The following ARHGAP17 variants were observed in gnomAD, a reference collection of about 807,000 sequenced individuals.
ARHGAP17 encodes the protein rho GTPase-activating protein 17.
A neutral mutation model predicts 99.5 loss-of-function variants in ARHGAP17; 57 were observed. The observed-to-expected ratio is 0.57, with a 90% CI of 0.46 to 0.71. The LOEUF (loss-of-function observed/expected upper bound fraction) is 0.71. Among genes scored for constraint, ARHGAP17 ranks in the 30% least tolerant of loss-of-function variants. ARHGAP17 has a pLI of 0.00. For synonymous variants in ARHGAP17, 417 were observed against 429.6 expected (o/e 0.97, Z 0.36); for missense variants, 1,000 against 1,122.4 (o/e 0.89, Z 1.56).
rs752301678 is a variant in ARHGAP17, at chr16:24,931,282, G to A, written c.2017C>T (p.Arg673Ter). 2.6e-6 allele frequency: 4 copies of A among 1,530,838 alleles called. No homozygotes were observed. Among genetic ancestry groups the A allele is most frequent in the Non-Finnish European group, 2.6e-6 (3 of 1,139,390 alleles). The allele number at this position is 1,530,838 out of a possible 1,614,324, so 94.8% of individuals were successfully genotyped here. ...TGCTGGGTGGGAGGAGAGGGGCTTC[G>A]GGTGGGTGGCTTTGGTGACAGACTG... ...PPSLSPKPPT[R>*]SPSPPTQHTG... The change falls in exon 19 of 20, where the codon CGA (arginine) becomes TGA (stop). Residue 673 changes from arginine (R) to a stop codon, truncating the protein, a stop_gained. Transcript: ENST00000289968. LOFTEE classifies it high-confidence loss of function.
chr16:24,953,540 G>A (rs1276900829), intron 10 of ARHGAP17, among the ~76,000 whole-genome samples: 1 of 151,924 alleles, frequency 6.6e-6, no homozygotes, highest in African/African-American at 2.4e-5. Context: ...CCCTTTGTGC[G>A]CATGCTCGCT....
At chr16:24,999,322 A>T (rs999894813) in intron 1 of ARHGAP17, among the ~76,000 whole-genome samples, 2 of 152,162 alleles carry the variant, frequency 1.3e-5, no homozygotes, top group African/African-American at 2.4e-5. Context: ...TTTTCCAATT[A>T]GTCATCGTTT....
intron 1 of ARHGAP17, among the ~76,000 whole-genome samples, chr16:24,991,835 G>C (rs923890197): frequency 6.6e-6 from 1 of 152,110 alleles, no homozygotes; most frequent in Non-Finnish European, 1.5e-5. Flanking sequence ...TCATTCAGAC[G>C]GTATTTACGG....
intron 3 of ARHGAP17, among the ~76,000 whole-genome samples, chr16:24,971,255 G>C (rs1414627130): frequency 6.6e-6 from 1 of 151,916 alleles, no homozygotes; most frequent in African/African-American, 2.4e-5. Context: ...CTCTCTAAAT[G>C]GTTATCCTGA....
chr16:24,959,908 T>C lies in ARHGAP17; in HGVS notation c.642+3A>G. 2.5e-6 allele frequency: 4 copies of C among 1,613,942 alleles called. No homozygotes were observed. Among genetic ancestry groups the C allele is most frequent in the Non-Finnish European group, 3.4e-6 (4 of 1,179,866 alleles). ...TAACATTTTCTCAAGGGAAGGTGCTTACCGTAACAAAGAATTTGCCATACT... is the reference window on the plus strand; with the variant it reads ...TAACATTTTCTCAAGGGAAGGTGCTCACCGTAACAAAGAATTTGCCATACT... On this transcript the variant is annotated splice_donor_region_variant and intron_variant, in intron 8 of 19. Coordinates refer to ENST00000289968, the MANE Select transcript of ARHGAP17 (RefSeq NM_001006634.3).
intron 1 of ARHGAP17, among the ~76,000 whole-genome samples, chr16:24,983,869 T>C (rs943982727): frequency 4.6e-5 from 7 of 152,220 alleles, no homozygotes; most frequent in Admixed American, 2.0e-4. Context: ...TTTAATTTAC[T>C]TTTTGGTAAA....
intron 1 of ARHGAP17, among the ~76,000 whole-genome samples, chr16:24,999,149 T>C (rs993028402): frequency 3.3e-5 from 5 of 152,236 alleles, no homozygotes; most frequent in African/African-American, 1.2e-4. Flanking sequence ...ATTTCTTCAA[T>C]GACTTCGAAT....
At chr16:24,996,176 C>T (rs555794614) in intron 1 of ARHGAP17, among the ~76,000 whole-genome samples, 52 of 152,206 alleles carry the variant, frequency 3.4e-4, no homozygotes, top group Admixed American at 8.5e-4. Context: ...TCTCCCATAA[C>T]GTCTTAAATC....
At chr16:24,998,329 G>A (rs745832515) in intron 1 of ARHGAP17, among the ~76,000 whole-genome samples, 31 of 151,962 alleles carry the variant, frequency 2.0e-4, no homozygotes, top group Non-Finnish European at 3.8e-4. Flanking sequence ...GATGGAGGGA[G>A]GTGAAAGGTG....
At chr16:24,991,310 C>T (rs548968452) in intron 1 of ARHGAP17, among the ~76,000 whole-genome samples, 5 of 152,152 alleles carry the variant, frequency 3.3e-5, no homozygotes, top group Admixed American at 1.3e-4. Context: ...TAACGTGTTT[C>T]GTGGCACCTA....
At chr16:24,920,342 A>G in intron 19 of ARHGAP17, 82 bp from the exon 20 acceptor site, 1 of 1,555,310 alleles carries the variant, frequency 6.4e-7, no homozygotes, top group Non-Finnish European at 8.7e-7. Context: ...AGAAGAAGAG[A>G]GGCTGGGAAG....
At position 24,919,749 on chromosome 16, in the gene ARHGAP17, T is replaced by C. The variant is rs765068205; in HGVS notation, c.*381A>G. 1.1e-4 allele frequency: 17 copies of C among 158,814 alleles called. No individual in the cohort carries two copies. The highest frequency in any genetic ancestry group is 6.9e-4 in the Admixed American group (11 of 15,836). The allele number at this position is 158,814 out of a possible 1,614,324, so 9.8% of individuals were successfully genotyped here. A position where few individuals can be genotyped will look rare whatever the true frequency, so the allele number is the denominator to read the frequency against. The stretch of plus-strand genomic sequence containing the variant: ...TGCATAATGAGCGCATTTTATTAAA[T>C]AGATAGTTAACGCACTGCTTCTTAC... On this transcript the variant is annotated 3_prime_UTR_variant, in exon 20 of 20. Transcript: ENST00000289968.
chr16:25,015,201 G>T lies in ARHGAP17; in HGVS notation c.53+8C>A. 1 of 1,319,604 alleles carries T rather than the reference G, an allele frequency of 7.6e-7. No individual in the cohort carries two copies. The highest frequency in any genetic ancestry group is 2.1e-5 in the South Asian group (1 of 47,222). The allele number at this position is 1,319,604 out of a possible 1,614,324, so 81.7% of individuals were successfully genotyped here. A position where few individuals can be genotyped will look rare whatever the true frequency, so the allele number is the denominator to read the frequency against. ...CGGTGCGACCCCCGTGCTGCCCGGCGCACTCGCCTGCCCACGGTCTGGTTA... is the reference window on the plus strand; with the variant it reads ...CGGTGCGACCCCCGTGCTGCCCGGCTCACTCGCCTGCCCACGGTCTGGTTA... On this transcript the variant is annotated splice_region_variant and intron_variant, in intron 1 of 19. Coordinates refer to ENST00000289968, the MANE Select transcript of ARHGAP17 (RefSeq NM_001006634.3).
At chr16:24,966,007 A>T (rs2141295970) in intron 6 of ARHGAP17, among the ~76,000 whole-genome samples, 1 of 152,390 alleles carries the variant, frequency 6.6e-6, no homozygotes, top group Non-Finnish European at 1.5e-5. Context: ...ATCAAGAATC[A>T]GTATTAAAAT....
chr16:24,957,027 G>T (rs2051828778), intron 9 of ARHGAP17: 1 of 152,252 alleles, frequency 6.6e-6, no homozygotes, highest in South Asian at 2.1e-4. Flanking sequence ...TTGTGAGTCT[G>T]GGAATTTACA....
intron 1 of ARHGAP17, among the ~76,000 whole-genome samples, chr16:25,007,199 G>A (rs1234536169): frequency 6.6e-6 from 1 of 152,124 alleles, no homozygotes; most frequent in African/African-American, 2.4e-5. Flanking sequence ...CTAATGGCTA[G>A]AAAATAAGGC....
chr16:25,006,073 T>C (rs6497768), intron 1 of ARHGAP17, among the ~76,000 whole-genome samples: 76,567 of 151,838 alleles, frequency 0.5, 21,077 homozygotes, highest in African/African-American at 0.74. Flanking sequence ...AAACAGAAGG[T>C]TGGGGAATTG....
intron 3 of ARHGAP17, among the ~76,000 whole-genome samples, chr16:24,975,346 G>A (rs568454339): frequency 1.3e-5 from 2 of 152,182 alleles, no homozygotes; most frequent in Non-Finnish European, 2.9e-5. Context: ...TCAGTTAGAA[G>A]CCATAAGAAC....
intron 6 of ARHGAP17, 85 bp from the exon 7 acceptor site, chr16:24,964,393 T>C (rs1567234909): frequency 2.3e-6 from 2 of 877,258 alleles, no homozygotes; most frequent in East Asian, 5.0e-5. Flanking sequence ...AGATAGATCC[T>C]TCCCCACAAT....
Sources: gnomAD v4.1 joint callset for allele counts (sites outside exome capture counted in the v4.1 genomes callset) on GRCh38, gnomAD v4.1.1 for gene constraint, MANE v1.5 for transcripts, NCBI Gene and HGNC (gene_info 2026-07-23, HGNC 2026-07-21) for gene names.